The following UNC5D variants were observed in gnomAD, a reference collection of about 807,000 sequenced individuals.
UNC5D encodes the protein unc-5 netrin receptor D.
In UNC5D, 39 loss-of-function variants were observed where a neutral mutation model predicts 105.4. That is an observed-to-expected ratio of 0.37 (90% CI 0.29 to 0.48). The LOEUF is 0.48. Ranked by LOEUF, UNC5D falls within the 20% of genes least tolerant of loss-of-function variation. The pLI, the probability that UNC5D is intolerant of heterozygous loss-of-function variation, is 0.98. For missense variants in UNC5D, 991 were observed against 1,202.4 expected (o/e 0.82, Z 2.60); for synonymous variants, 452 against 450.4 (o/e 1.00, Z -0.04).
intron 1 of UNC5D, among the ~76,000 whole-genome samples, chr8:35,436,911 G>C (rs1807053229): frequency 6.6e-6 from 1 of 151,988 alleles, no homozygotes; most frequent in African/African-American, 2.4e-5. Context: ...GGTGGGGGAA[G>C]TACCTAGAAA....
intron 1 of UNC5D, among the ~76,000 whole-genome samples, chr8:35,446,628 CA>C (rs1221254724): frequency 1.3e-5 from 2 of 152,038 alleles, no homozygotes; most frequent in African/African-American, 4.8e-5. Flanking sequence ...CTCCAAATCT[CA>C]GAAATTCCCT....
chr8:35,500,531 C>T (rs1164816744), intron 1 of UNC5D, among the ~76,000 whole-genome samples: 2 of 152,170 alleles, frequency 1.3e-5, no homozygotes, highest in East Asian at 1.9e-4. Flanking sequence ...TTATGTGACC[C>T]AATGAATGAA....
chr8:35,630,862 G>T (rs1466806791), intron 4 of UNC5D, among the ~76,000 whole-genome samples: 2 of 152,182 alleles, frequency 1.3e-5, no homozygotes, highest in Non-Finnish European at 2.9e-5. Flanking sequence ...TCTCCCAAGG[G>T]CACAATTTTG....
chr8:35,250,784 A>C (rs1803640426), intron 1 of UNC5D, among the ~76,000 whole-genome samples: 1 of 152,096 alleles, frequency 6.6e-6, no homozygotes, highest in African/African-American at 2.4e-5. Flanking sequence ...GGCATGAACC[A>C]CCGCTCCTGG....
chr8:35,496,586 G>A (rs961043972), intron 1 of UNC5D, among the ~76,000 whole-genome samples: 1 of 151,846 alleles, frequency 6.6e-6, no homozygotes, highest in Non-Finnish European at 1.5e-5. Context: ...AAGGAAGGGA[G>A]TCACGCGTCA....
At chr8:35,677,171 C>A (rs1223068590) in intron 4 of UNC5D, among the ~76,000 whole-genome samples, 1 of 152,012 alleles carries the variant, frequency 6.6e-6, no homozygotes, top group Non-Finnish European at 1.5e-5. Context: ...AAATTAAAGA[C>A]CACCATGACA....
At chr8:35,612,415 G>T (rs191320379) in intron 4 of UNC5D, among the ~76,000 whole-genome samples, 1 of 152,214 alleles carries the variant, frequency 6.6e-6, no homozygotes, top group African/African-American at 2.4e-5. Flanking sequence ...GTGACAGGGT[G>T]GGGTGGGTAA....
intron 1 of UNC5D, among the ~76,000 whole-genome samples, chr8:35,321,143 C>T (rs1809711512): frequency 6.6e-6 from 1 of 152,056 alleles, no homozygotes; most frequent in African/African-American, 2.4e-5. Flanking sequence ...ACCCTTGGAC[C>T]ACAATTTGCT....
At chr8:35,324,060 T>A (rs1383700639) in intron 1 of UNC5D, among the ~76,000 whole-genome samples, 2 of 151,686 alleles carry the variant, frequency 1.3e-5, no homozygotes, top group African/African-American at 4.8e-5. Flanking sequence ...CGAGACCCCA[T>A]CTATACCAAA....
Position 35,435,910 on chromosome 8 carries a change from A to G in UNC5D, c.104-113382A>G, listed in dbSNP as rs1006301804. 5.3e-5 allele frequency among the ~76,000 whole-genome samples: 8 copies of G among 152,220 alleles called. No individual in the cohort carries two copies. In the East Asian group the frequency reaches 5.8e-4, roughly 11 times the overall value. On this transcript the variant is annotated intron_variant, in intron 1 of 16. Transcript: ENST00000404895. ...CAAAATTATGTTGCAGGGTTACATTATGGACTTGAAATGATTATTTTCTTG... is the reference window on the plus strand; with the variant it reads ...CAAAATTATGTTGCAGGGTTACATTGTGGACTTGAAATGATTATTTTCTTG...
intron 1 of UNC5D, among the ~76,000 whole-genome samples, chr8:35,455,245 T>C (rs761145133): frequency 6.6e-6 from 1 of 152,098 alleles, no homozygotes; most frequent in Non-Finnish European, 1.5e-5. Context: ...CATAAAGTTA[T>C]TCTATAAAAT....
intron 1 of UNC5D, among the ~76,000 whole-genome samples, chr8:35,474,300 G>A (rs1283396242): frequency 6.6e-6 from 1 of 152,154 alleles, no homozygotes; most frequent in Non-Finnish European, 1.5e-5. Context: ...TATATGCAAA[G>A]ACAAAAGAAT....
chr8:35,484,129 A>G (rs925294701), intron 1 of UNC5D, among the ~76,000 whole-genome samples: 6 of 152,206 alleles, frequency 3.9e-5, no homozygotes, highest in Non-Finnish European at 7.3e-5. Context: ...TTTATATTCA[A>G]TCACCAAGAA....
intron 8 of UNC5D, among the ~76,000 whole-genome samples, chr8:35,720,829 T>C (rs934786580): frequency 1.8e-4 from 27 of 146,548 alleles, no homozygotes; most frequent in African/African-American, 6.9e-4. Context: ...CCTCTGACCT[T>C]TCAGATGCTG....
intron 11 of UNC5D, among the ~76,000 whole-genome samples, chr8:35,743,315 G>A (rs1469549563): frequency 1.3e-5 from 2 of 151,920 alleles, no homozygotes; most frequent in African/African-American, 4.8e-5. Flanking sequence ...TGTTGCCCAG[G>A]CTGGAGTGCA....
intron 1 of UNC5D, among the ~76,000 whole-genome samples, chr8:35,285,526 G>A (rs1806529725): frequency 1.3e-5 from 2 of 152,118 alleles, no homozygotes; most frequent in Non-Finnish European, 2.9e-5. Context: ...TAAGCTTTCT[G>A]GGTAGCATTT....
chr8:35,255,364 C>A (rs1341097452), intron 1 of UNC5D: 1 of 152,146 alleles, frequency 6.6e-6, no homozygotes, highest in Non-Finnish European at 1.5e-5. Flanking sequence ...CCACCAGTAG[C>A]AAGCTCTTCA....
intron 1 of UNC5D, among the ~76,000 whole-genome samples, chr8:35,305,701 C>A (rs1808346214): frequency 6.7e-6 from 1 of 148,348 alleles, no homozygotes; most frequent in South Asian, 2.1e-4. Context: ...CTTCCTCCCT[C>A]CCTGCCTGAC....
chr8:35,695,473 C>A (rs1404198944), intron 7 of UNC5D, among the ~76,000 whole-genome samples: 1 of 152,016 alleles, frequency 6.6e-6, no homozygotes, highest in East Asian at 1.9e-4. Context: ...TATAGAGCAC[C>A]ATGACTGTGC....
Sources: allele counts gnomAD v4.1 joint callset (sites outside exome capture counted in the v4.1 genomes callset), GRCh38; gene constraint gnomAD v4.1.1; transcripts MANE v1.5; gene names NCBI Gene and HGNC (gene_info 2026-07-23, HGNC 2026-07-21).